TDRD12: variants seen among roughly 807,000 people sequenced by gnomAD.
The protein encoded by TDRD12 is putative ATP-dependent RNA helicase TDRD12.
In TDRD12, 158 loss-of-function variants were observed where a neutral mutation model predicts 133.5. That is an observed-to-expected ratio of 1.18 (90% CI 1.04 to 1.35). The LOEUF (loss-of-function observed/expected upper bound fraction) is 1.35. TDRD12 is among the 40% of genes most tolerant of loss of function. The pLI is 0.00. For synonymous variants in TDRD12, 460 were observed against 477.9 expected, an observed-to-expected ratio of 0.96 and a Z score of 0.49; for missense variants, 1,443 against 1,321.3, an observed-to-expected ratio of 1.09 and a Z score of -1.43.
chr19:32,731,763 G>C, exon 2 of TDRD12: 5 of 1,550,628 alleles, frequency 3.2e-6, no homozygotes, highest in Non-Finnish European at 4.4e-6. Flanking sequence ...TTATAAAAGG[G>C]TGTAGTCCCT....
chr19:32,736,435 G>C (rs1316230892), intron 2 of TDRD12, among the ~76,000 whole-genome samples: 1 of 152,168 alleles, frequency 6.6e-6, no homozygotes, highest in East Asian at 1.9e-4. Context: ...AGTGCACCTG[G>C]TCACTGAAGA....
At chr19:32,738,946 T>C (rs1969308002) in exon 3 of TDRD12, 1 of 1,551,016 alleles carries the variant, frequency 6.4e-7, no homozygotes, top group Non-Finnish European at 8.7e-7. Context: ...CCTGGCAGAA[T>C]GTTTCCTTGT....
chr19:32,763,129 G>T (rs1490245926), intron 8 of TDRD12, among the ~76,000 whole-genome samples: 2 of 152,144 alleles, frequency 1.3e-5, no homozygotes, highest in African/African-American at 4.8e-5. Flanking sequence ...ATGGAAGGTT[G>T]GCATACGGCA....
At chr19:32,763,296 AGGG>A (rs1242851557) in intron 8 of TDRD12, among the ~76,000 whole-genome samples, 2 of 152,096 alleles carry the variant, frequency 1.3e-5, no homozygotes, top group African/African-American at 4.8e-5. Flanking sequence ...GGGTGGAGAG[AGGG>A]AAATAAATGT....
intron 8 of TDRD12, among the ~76,000 whole-genome samples, chr19:32,760,610 G>A (rs1970123143): frequency 6.6e-6 from 1 of 152,106 alleles, no homozygotes; most frequent in African/African-American, 2.4e-5. Flanking sequence ...ATTATCTCCA[G>A]ATTTTAAAAT....
intron 13 of TDRD12, among the ~76,000 whole-genome samples, chr19:32,793,562 T>C (rs2145671891): frequency 6.6e-6 from 1 of 152,284 alleles, no homozygotes; most frequent in East Asian, 1.9e-4. Flanking sequence ...GAAGATCCTA[T>C]CCATGTGGGT....
At position 32,757,035 on chromosome 19, in the gene TDRD12, C is replaced by T. The variant is rs1006529887; in HGVS notation, c.773-3C>T. On this transcript the variant is annotated splice_region_variant and splice_polypyrimidine_tract_variant and intron_variant, in intron 7 of 27. Transcript: ENST00000444215. ...TAATTCTGAAATTTATTCTTTCTAT[C>T]AGATTCACATGGTGTAAATTTTCCG... 113 of 1,549,898 alleles carry T rather than the reference C, an allele frequency of 7.3e-5. No homozygotes were observed. Among genetic ancestry groups the T allele is most frequent in the Non-Finnish European group, 9.6e-5 (110 of 1,145,560 alleles).
chr19:32,721,874 A>AT (rs768611161), intron 1 of TDRD12, among the ~76,000 whole-genome samples: 7,691 of 137,236 alleles, frequency 0.056, 214 homozygotes, highest in Non-Finnish European at 0.064. Flanking sequence ...CGCCTGGCTA[A>AT]TTTTTTTTTT....
intron 8 of TDRD12, among the ~76,000 whole-genome samples, chr19:32,759,380 G>A (rs889049968): frequency 2.6e-5 from 4 of 151,980 alleles, no homozygotes; most frequent in Admixed American, 1.3e-4. Context: ...TAGACTAGAA[G>A]GCCCCTGGAG....
intron 10 of TDRD12, among the ~76,000 whole-genome samples, chr19:32,774,015 A>G (rs1230183346): frequency 1.3e-5 from 2 of 152,208 alleles, no homozygotes; most frequent in Non-Finnish European, 2.9e-5. Flanking sequence ...GCCAGATGGC[A>G]GCACAGGGTG....
At chr19:32,818,872 GCTAGTGGCCTGCTGGA>G (rs1378565467) in intron 27 of TDRD12, among the ~76,000 whole-genome samples, 1 of 152,170 alleles carries the variant, frequency 6.6e-6, no homozygotes, top group Admixed American at 6.5e-5. Flanking sequence ...AGACAGCTGG[GCTAGTGGCCTGCTGGA>G]CTAGTGGGCT....
chr19:32,719,985 C>G lies in TDRD12; in HGVS notation c.-88C>G, dbSNP rs2145387164. 4.7e-6 allele frequency: 7 copies of G among 1,491,796 alleles called. No homozygotes were observed. In the East Asian group the frequency reaches 1.7e-4, roughly 37 times the overall value. The allele number at this position is 1,491,796 out of a possible 1,614,324, so 92.4% of individuals were successfully genotyped here. On this transcript the variant is annotated 5_prime_UTR_variant, in exon 1 of 28. Transcript: ENST00000444215. ...GAAGGAACGCACTCGCGGCGGGGGC[C>G]TGGCCGGGGCGGACGCAGCCAGCCT...
intron 4 of TDRD12, among the ~76,000 whole-genome samples, chr19:32,743,641 G>A (rs943710666): frequency 6.5e-4 from 98 of 151,810 alleles, no homozygotes; most frequent in African/African-American, 2.2e-3. Flanking sequence ...CTCTGAACTT[G>A]CAGGCCTTTG....
intron 23 of TDRD12, among the ~76,000 whole-genome samples, 185 bp from the exon 24 acceptor site, chr19:32,811,025 A>G (rs1425062090): frequency 1.3e-5 from 2 of 152,240 alleles, no homozygotes; most frequent in East Asian, 1.9e-4. Flanking sequence ...ATGTTTTTAT[A>G]CTTATGTATA....
chr19:32,809,954 T>G (rs894623050), intron 22 of TDRD12, 139 bp from the exon 23 acceptor site: 2 of 495,030 alleles, frequency 4.0e-6, no homozygotes, highest in Non-Finnish European at 6.6e-6. Flanking sequence ...TTTGGCTAGC[T>G]TCCTAGTTTT....
chr19:32,802,625 C>T (rs755798234), intron 19 of TDRD12, 31 bp from the exon 20 acceptor site: 9 of 1,532,922 alleles, frequency 5.9e-6, no homozygotes, highest in Admixed American at 2.0e-5. Flanking sequence ...AACTCCAGCG[C>T]GTGTGACATT....
intron 5 of TDRD12, 51 bp from the exon 6 acceptor site, chr19:32,749,733 C>A: frequency 7.3e-7 from 1 of 1,369,640 alleles, no homozygotes. Context: ...ATGATTGTTT[C>A]AAATATACTT....
exon 1 of TDRD12, chr19:32,719,910 G>A (rs1425651740): frequency 8.6e-6 from 7 of 815,986 alleles, no homozygotes; most frequent in Non-Finnish European, 1.4e-5. Context: ...TCCTGGGGAC[G>A]AGGAGTGTGG....
At chr19:32,801,308 A>G (rs1568486470) in intron 18 of TDRD12, among the ~76,000 whole-genome samples, 1 of 152,210 alleles carries the variant, frequency 6.6e-6, no homozygotes. Flanking sequence ...ATTCAGTTTT[A>G]TTTTGTACAT....
Sources: allele counts gnomAD v4.1 joint callset (sites outside exome capture counted in the v4.1 genomes callset), GRCh38; gene constraint gnomAD v4.1.1; transcripts MANE v1.5; gene names NCBI Gene and HGNC (gene_info 2026-07-23, HGNC 2026-07-21).